Variants in LRMDA observed in about 807,000 individuals in gnomAD.
The protein encoded by LRMDA is leucine rich melanocyte differentiation associated, also known as leucine-rich melanocyte differentiation-associated protein.
LRMDA carries 18 observed loss-of-function variants against 29.8 expected under a neutral mutation model. The ratio of observed to expected loss-of-function variants is 0.60; its 90% CI spans 0.42 to 0.90. The LOEUF (loss-of-function observed/expected upper bound fraction) is 0.90. LRMDA is among the 40% of genes least tolerant of loss of function. LRMDA has a pLI of 0.00. For missense variants in LRMDA, 273 were observed against 273.9 expected, an observed-to-expected ratio of 1.00 and a Z score of 0.02; for synonymous variants, 125 against 109.4, an observed-to-expected ratio of 1.14 and a Z score of -0.89.
At chr10:76,120,526 T>C (rs10824370) in intron 5 of LRMDA, among the ~76,000 whole-genome samples, 50,343 of 151,924 alleles carry the variant, frequency 0.33, 9,385 homozygotes, top group East Asian at 0.66. Context: ...CTGCGCCATG[T>C]TTCATGGATG....
At position 76,299,127 on chromosome 10, in the gene LRMDA, G is replaced by A. The variant is rs532791906; in HGVS notation, c.517-25274G>A. Among the ~76,000 whole-genome samples, 19 of 151,470 alleles carry A rather than the reference G, an allele frequency of 1.3e-4. No homozygotes were observed. The Middle Eastern group carries it at 0.01, about 82-fold the overall frequency. On this transcript the variant is annotated intron_variant, in intron 5 of 6. Transcript: ENST00000611255. Reference sequence around the variant, plus strand: ...AGATAGATGTTCCTCCTGCATATACGTCAGGAACATCTGCTGTTAGAGAAG... The same window carrying A: ...AGATAGATGTTCCTCCTGCATATACATCAGGAACATCTGCTGTTAGAGAAG...
intron 2 of LRMDA, among the ~76,000 whole-genome samples, chr10:75,922,773 C>G (rs1272136439): frequency 1.3e-5 from 2 of 152,186 alleles, no homozygotes; most frequent in African/African-American, 2.4e-5. Flanking sequence ...TGAAACCTAT[C>G]TTCTCTCCCT....
At chr10:75,916,916 G>T (rs192415765) in intron 2 of LRMDA, among the ~76,000 whole-genome samples, 4 of 152,280 alleles carry the variant, frequency 2.6e-5, no homozygotes, top group South Asian at 4.1e-4. Flanking sequence ...TTAGCCTAGG[G>T]GTTAGGAAGG....
intron 5 of LRMDA, among the ~76,000 whole-genome samples, chr10:76,282,868 T>C (rs1462188188): frequency 2.0e-5 from 3 of 152,006 alleles, no homozygotes; most frequent in African/African-American, 4.8e-5. Context: ...TGCAGACTGG[T>C]TCAAACTGGC....
intron 6 of LRMDA, among the ~76,000 whole-genome samples, chr10:76,474,499 T>C (rs1052018230): frequency 2.6e-5 from 4 of 151,484 alleles, no homozygotes; most frequent in Admixed American, 2.6e-4. Flanking sequence ...ATCCAAAATA[T>C]ATAAAGAACA....
At chr10:76,257,242 T>C (rs1852612267) in intron 5 of LRMDA, among the ~76,000 whole-genome samples, 2 of 151,906 alleles carry the variant, frequency 1.3e-5, no homozygotes, top group South Asian at 4.1e-4. Flanking sequence ...TGCTTATAAC[T>C]GAAAAGAATT....
intron 6 of LRMDA, among the ~76,000 whole-genome samples, chr10:76,546,599 C>G (rs1221749358): frequency 6.6e-6 from 1 of 152,156 alleles, no homozygotes; most frequent in Non-Finnish European, 1.5e-5. Flanking sequence ...TGAGAGGCCT[C>G]TCGGCTGAAA....
chr10:76,268,607 A>G (rs1247467), intron 5 of LRMDA, among the ~76,000 whole-genome samples: 151,248 of 152,324 alleles, frequency 0.99, 75,093 homozygotes, highest in Middle Eastern at 1. Flanking sequence ...GGGCATCTGC[A>G]CTGTGTCCAT....
At chr10:75,879,463 C>G (rs1845257459) in intron 2 of LRMDA, among the ~76,000 whole-genome samples, 1 of 152,172 alleles carries the variant, frequency 6.6e-6, no homozygotes, top group African/African-American at 2.4e-5. Context: ...TCATTTACCG[C>G]CTCAGATTCT....
At chr10:76,183,554 G>T (rs1215430270) in intron 5 of LRMDA, among the ~76,000 whole-genome samples, 4 of 152,154 alleles carry the variant, frequency 2.6e-5, no homozygotes, top group African/African-American at 9.7e-5. Flanking sequence ...ACAGAACCCG[G>T]TTGGGACAAC....
intron 2 of LRMDA, among the ~76,000 whole-genome samples, chr10:75,651,721 C>A (rs888000716): frequency 1.3e-5 from 2 of 152,160 alleles, no homozygotes; most frequent in Non-Finnish European, 2.9e-5. Context: ...AAGGACCCAG[C>A]CAATCTTGCT....
At chr10:76,152,269 A>G (rs1850459736) in intron 5 of LRMDA, among the ~76,000 whole-genome samples, 1 of 152,242 alleles carries the variant, frequency 6.6e-6, no homozygotes, top group Non-Finnish European at 1.5e-5. Flanking sequence ...GTAGTCATAC[A>G]ACATGTAGCC....
intron 2 of LRMDA, among the ~76,000 whole-genome samples, chr10:75,804,634 G>A (rs1843816050): frequency 6.6e-6 from 1 of 152,252 alleles, no homozygotes; most frequent in Non-Finnish European, 1.5e-5. Context: ...TGTGGTCAGA[G>A]CTTCAGTACC....
intron 5 of LRMDA, among the ~76,000 whole-genome samples, chr10:76,222,673 C>G (rs569512507): frequency 2.0e-4 from 31 of 152,176 alleles, no homozygotes; most frequent in Non-Finnish European, 4.1e-4. Context: ...GTTGGTGGGA[C>G]TGTAAACTAG....
intron 5 of LRMDA, among the ~76,000 whole-genome samples, chr10:76,201,751 C>T (rs983454186): frequency 2.0e-5 from 3 of 152,150 alleles, no homozygotes; most frequent in Non-Finnish European, 4.4e-5. Context: ...AAACTGGTGC[C>T]GATGTTTCTG....
intron 2 of LRMDA, among the ~76,000 whole-genome samples, chr10:75,949,521 G>A (rs1033492277): frequency 6.6e-6 from 1 of 152,194 alleles, no homozygotes. Context: ...AGGCACAAGG[G>A]TTGGGGGAAG....
At chr10:76,537,302 T>C (rs1175321825) in intron 6 of LRMDA, among the ~76,000 whole-genome samples, 1 of 152,236 alleles carries the variant, frequency 6.6e-6, no homozygotes, top group Non-Finnish European at 1.5e-5. Flanking sequence ...CGTGCATGAC[T>C]TGAGCACATG....
chr10:76,129,150 G>T (rs1564660319), intron 5 of LRMDA, among the ~76,000 whole-genome samples: 1 of 152,118 alleles, frequency 6.6e-6, no homozygotes, highest in African/African-American at 2.4e-5. Context: ...ACCAATACCA[G>T]CAGTGCCAGG....
chr10:76,408,400 A>T lies in LRMDA; in HGVS notation c.601+83915A>T, dbSNP rs567762725. 1.1e-4 allele frequency among the ~76,000 whole-genome samples: 16 copies of T among 152,308 alleles called. No individual in the cohort carries two copies. In the South Asian group the frequency reaches 2.5e-3, roughly 24 times the overall value. On this transcript the variant is annotated intron_variant, in intron 6 of 6. Coordinates refer to ENST00000611255, the MANE Select transcript of LRMDA (RefSeq NM_001305581.2). ...CATAATTCTGACCTCTGTGGAGTTT[A>T]CTTAAAAGCATAATTCTCATTGATT...
Sources: gnomAD v4.1 joint callset for allele counts (sites outside exome capture counted in the v4.1 genomes callset) on GRCh38, gnomAD v4.1.1 for gene constraint, MANE v1.5 for transcripts, NCBI Gene and HGNC (gene_info 2026-07-23, HGNC 2026-07-21) for gene names.